Variants in SHQ1 observed in about 807,000 individuals in gnomAD.
The protein encoded by SHQ1 is protein SHQ1 homolog.
SHQ1 carries 49 observed loss-of-function variants against 53.8 expected under a neutral mutation model. The ratio of observed to expected loss-of-function variants is 0.91; its 90% CI spans 0.72 to 1.16. The LOEUF is 1.16. Ranked by LOEUF, SHQ1 falls within the 50% of genes most tolerant of loss-of-function variation. The probability of loss-of-function intolerance (pLI) is 0.00; values close to 1 mark genes in which losing one functional copy is unlikely to be tolerated. For missense variants in SHQ1, 738 were observed against 683.1 expected (o/e 1.08, Z -0.90); for synonymous variants, 243 against 251.0 (o/e 0.97, Z 0.30).
intron 10 of SHQ1, among the ~76,000 whole-genome samples, chr3:72,792,039 G>T (rs1277151386): frequency 6.6e-6 from 1 of 152,200 alleles, no homozygotes; most frequent in Non-Finnish European, 1.5e-5. Context: ...TATACCAAGT[G>T]CTGGAGCTCA....
At chr3:72,816,044 A>G (rs188756829) in intron 7 of SHQ1, among the ~76,000 whole-genome samples, 2 of 152,284 alleles carry the variant, frequency 1.3e-5, no homozygotes, top group East Asian at 3.9e-4. Context: ...AGTGAAAACA[A>G]AAAGTATTTT....
downstream of SHQ1, among the ~76,000 whole-genome samples, chr3:72,748,648 G>A (rs1384709075): frequency 1.3e-5 from 2 of 152,078 alleles, no homozygotes; most frequent in African/African-American, 2.4e-5. Flanking sequence ...CTGAGATCAC[G>A]CCACTGCATG....
At chr3:72,743,071 G>A in the SHQ1 span, among the ~76,000 whole-genome samples, 11 of 152,218 alleles carry the variant, frequency 7.2e-5, no homozygotes, top group African/African-American at 2.2e-4. Context: ...GGTTGGGTTA[G>A]AGATGCACAT....
At chr3:72,727,772 G>C in the SHQ1 span, among the ~76,000 whole-genome samples, 1 of 152,134 alleles carries the variant, frequency 6.6e-6, no homozygotes, top group Non-Finnish European at 1.5e-5. Flanking sequence ...TCTTGGTAAC[G>C]GTGTCAGGCT....
the SHQ1 span, among the ~76,000 whole-genome samples, chr3:72,733,442 AC>A: frequency 6.6e-6 from 1 of 151,524 alleles, no homozygotes; most frequent in Non-Finnish European, 1.5e-5. Flanking sequence ...ATGAAAAAAA[AC>A]CAAATTCTCA....
At chr3:72,833,733 A>T (rs1707910055) in intron 4 of SHQ1, among the ~76,000 whole-genome samples, 1 of 152,230 alleles carries the variant, frequency 6.6e-6, no homozygotes. Flanking sequence ...ATAAATGGAC[A>T]TTAGGAAAAC....
the SHQ1 span, among the ~76,000 whole-genome samples, chr3:72,737,348 G>C: frequency 3.0e-4 from 46 of 152,190 alleles, no homozygotes; most frequent in African/African-American, 1.1e-3. Flanking sequence ...CCACGGAAGG[G>C]GAGAAGGAGA....
chr3:72,753,502 CAT>C (rs1705433741), intron 10 of SHQ1: 11 of 985,368 alleles, frequency 1.1e-5, no homozygotes, highest in African/African-American at 1.7e-5. Flanking sequence ...TGCCTCTTCA[CAT>C]GTGTAATCAG....
chr3:72,839,867 T>C (rs1183580610), intron 4 of SHQ1, among the ~76,000 whole-genome samples: 4 of 151,896 alleles, frequency 2.6e-5, no homozygotes, highest in African/African-American at 4.8e-5. Flanking sequence ...TTCAAGGGAT[T>C]CTCCTGCCTC....
At chr3:72,737,913 A>T in the SHQ1 span, among the ~76,000 whole-genome samples, 2 of 152,184 alleles carry the variant, frequency 1.3e-5, no homozygotes, top group African/African-American at 4.8e-5. Flanking sequence ...ATTACTATGG[A>T]TAGTGAATTG....
chr3:72,770,078 T>C (rs1370968431), intron 10 of SHQ1, among the ~76,000 whole-genome samples: 1 of 152,238 alleles, frequency 6.6e-6, no homozygotes, highest in Non-Finnish European at 1.5e-5. Context: ...CTAGCTATTA[T>C]TGTTATGGAC....
chr3:72,847,358 GAGA>G (rs1437062898), intron 1 of SHQ1, among the ~76,000 whole-genome samples: 2 of 152,188 alleles, frequency 1.3e-5, no homozygotes, highest in African/African-American at 2.4e-5. Flanking sequence ...GATGGATAAA[GAGA>G]AGGACAAGAG....
intron 10 of SHQ1, among the ~76,000 whole-genome samples, chr3:72,764,074 A>G (rs906765962): frequency 1.3e-5 from 2 of 152,032 alleles, no homozygotes; most frequent in African/African-American, 4.8e-5. Flanking sequence ...TCTTTGCGTA[A>G]TAACATGAGG....
intron 6 of SHQ1, among the ~76,000 whole-genome samples, chr3:72,823,996 G>T (rs1271201496): frequency 1.3e-5 from 2 of 152,158 alleles, no homozygotes; most frequent in Admixed American, 6.5e-5. Context: ...ACTTAGAGAA[G>T]CTGGTAATAA....
chr3:72,770,151 T>C (rs1489127060), intron 10 of SHQ1, among the ~76,000 whole-genome samples: 1 of 152,258 alleles, frequency 6.6e-6, no homozygotes, highest in Non-Finnish European at 1.5e-5. Flanking sequence ...GCTTTGTTCT[T>C]AGCAAATATT....
At chr3:72,836,923 A>C (rs937331774) in intron 4 of SHQ1, among the ~76,000 whole-genome samples, 3 of 152,250 alleles carry the variant, frequency 2.0e-5, no homozygotes, top group Non-Finnish European at 4.4e-5. Flanking sequence ...AGGCAGAGAC[A>C]ATCCAGAAAG....
intron 5 of SHQ1, among the ~76,000 whole-genome samples, chr3:72,831,880 C>T (rs1026707326): frequency 6.6e-6 from 1 of 152,124 alleles, no homozygotes; most frequent in African/African-American, 2.4e-5. Flanking sequence ...TATTCTCTAC[C>T]ACGAAGAATA....
At chr3:72,792,651 G>C (rs1706474873) in intron 10 of SHQ1, among the ~76,000 whole-genome samples, 1 of 151,956 alleles carries the variant, frequency 6.6e-6, no homozygotes, top group Non-Finnish European at 1.5e-5. Context: ...TAGGCGTGGT[G>C]GCACACGCCT....
the SHQ1 span, among the ~76,000 whole-genome samples, chr3:72,739,083 G>A: frequency 5.3e-5 from 8 of 152,380 alleles, no homozygotes; most frequent in South Asian, 1.7e-3. Context: ...CCGGGAGCGT[G>A]GGAGCAGGGG....
Sources: gnomAD v4.1 joint callset for allele counts (sites outside exome capture counted in the v4.1 genomes callset) on GRCh38, gnomAD v4.1.1 for gene constraint, MANE v1.5 for transcripts, NCBI Gene and HGNC (gene_info 2026-07-23, HGNC 2026-07-21) for gene names.